NVL: variants seen among roughly 807,000 people sequenced by gnomAD.
NVL encodes nuclear valosin-containing protein-like.
NVL carries 84 observed loss-of-function variants against 110.2 expected under a neutral mutation model. The ratio of observed to expected loss-of-function variants is 0.76; its 90% CI spans 0.64 to 0.91. The LOEUF is 0.91. Among genes scored for constraint, NVL ranks in the 40% least tolerant of loss-of-function variants. The pLI is 0.00. For synonymous variants in NVL, 354 were observed against 361.1 expected (o/e 0.98, Z 0.22); for missense variants, 882 against 1,035.9 (o/e 0.85, Z 2.04).
At chr1:224,256,945 C>T in intron 18 of NVL, 1 of 456,620 alleles carries the variant, frequency 2.2e-6, no homozygotes, top group Non-Finnish European at 4.5e-6. Flanking sequence ...CCACAGCTAT[C>T]ACCCGGCTCA....
chr1:224,242,908 C>T (rs1238281012), intron 19 of NVL, among the ~76,000 whole-genome samples: 4 of 145,554 alleles, frequency 2.7e-5, no homozygotes, highest in African/African-American at 7.7e-5. Flanking sequence ...TCACTGCAAC[C>T]TCTGCCTCTG....
intron 15 of NVL, among the ~76,000 whole-genome samples, chr1:224,284,828 G>A (rs941816973): frequency 2.6e-5 from 4 of 152,002 alleles, no homozygotes; most frequent in African/African-American, 9.7e-5. Context: ...TGATAAAAAA[G>A]GTAAAAACTG....
At chr1:224,307,925 T>C in intron 6 of NVL, 66 bp downstream of exon 6, 1 of 1,429,664 alleles carries the variant, frequency 7.0e-7, no homozygotes, top group Non-Finnish European at 9.4e-7. Context: ...TGATTGATAT[T>C]ATATTCAACT....
chr1:224,290,419 G>A (rs987871062), intron 12 of NVL, among the ~76,000 whole-genome samples: 4 of 152,202 alleles, frequency 2.6e-5, no homozygotes, highest in African/African-American at 9.6e-5. Flanking sequence ...CACTCTGGGA[G>A]GCTGAGGCAG....
intron 20 of NVL, 51 bp downstream of exon 20, chr1:224,236,455 T>A: frequency 7.3e-7 from 1 of 1,374,458 alleles, no homozygotes; most frequent in Non-Finnish European, 1.0e-6. Flanking sequence ...ATTTTATAGA[T>A]GAGGAAATTG....
intron 17 of NVL, among the ~76,000 whole-genome samples, chr1:224,271,573 T>C (rs899663981): frequency 3.3e-5 from 5 of 152,110 alleles, no homozygotes; most frequent in Non-Finnish European, 7.4e-5. Flanking sequence ...GAATGATGCA[T>C]ACTAAATGAC....
At chr1:224,311,938 T>C (rs1401965779) in intron 4 of NVL, 81 bp from the exon 5 acceptor site, 1 of 1,054,928 alleles carries the variant, frequency 9.5e-7, no homozygotes, top group Admixed American at 1.9e-5. Flanking sequence ...CAAGTAAATA[T>C]ATTCAGCCAA....
intron 16 of NVL, among the ~76,000 whole-genome samples, chr1:224,278,846 C>A (rs114066857): frequency 6.6e-6 from 1 of 152,058 alleles, no homozygotes; most frequent in Non-Finnish European, 1.5e-5. Flanking sequence ...GATCCTCCCA[C>A]CTCAGCCTCC....
At chr1:224,315,450 T>C (rs984886312) in intron 4 of NVL, among the ~76,000 whole-genome samples, 6 of 152,146 alleles carry the variant, frequency 3.9e-5, no homozygotes, top group Admixed American at 2.6e-4. Flanking sequence ...TACCTATTCA[T>C]GACAAAAATT....
chr1:224,252,920 A>AT (rs1306357125), intron 18 of NVL, among the ~76,000 whole-genome samples: 1 of 152,050 alleles, frequency 6.6e-6, no homozygotes, highest in Non-Finnish European at 1.5e-5. Context: ...ATTAGTTTGC[A>AT]TTTTCTAAAG....
At chr1:224,280,013 CTA>C (rs1345253434) in intron 16 of NVL, among the ~76,000 whole-genome samples, 1 of 151,810 alleles carries the variant, frequency 6.6e-6, no homozygotes, top group Non-Finnish European at 1.5e-5. Context: ...TAAAATAATA[CTA>C]TATATTGTTT....
At chr1:224,233,165 A>G (rs755254935) in intron 21 of NVL, 36 bp downstream of exon 21, 8 of 1,560,354 alleles carry the variant, frequency 5.1e-6, no homozygotes, top group Admixed American at 1.8e-5. Context: ...TTTAAGTATC[A>G]TAATTAGAAT....
chr1:224,263,776 T>C (rs778068417), intron 18 of NVL, among the ~76,000 whole-genome samples: 4 of 152,204 alleles, frequency 2.6e-5, no homozygotes, highest in Admixed American at 6.5e-5. Flanking sequence ...AGAAAGTTTA[T>C]AGACTGCTTC....
Position 224,308,166 on chromosome 1 carries a change from G to C in NVL, c.440C>G (p.Thr147Ser), listed in dbSNP as rs182870329. Residue 147 changes from threonine to serine, a missense_variant, in exon 6 of 23, where the codon ACC (threonine) becomes AGC (serine). This residue lies in a region of NVL where 274 missense variants were observed against 268.4 expected (regional missense o/e 1.02). Coordinates refer to ENST00000281701, the MANE Select transcript of NVL (RefSeq NM_002533.4). ...NTPEMEQRET[T>S]SSTPRISSKT... ...GGAACTTATCCGTGGTGTTGAAGAGGTGGTTTCTCTTTGCTCCATCTCAGG... is the reference window on the plus strand; with the variant it reads ...GGAACTTATCCGTGGTGTTGAAGAGCTGGTTTCTCTTTGCTCCATCTCAGG... 1.2e-6 allele frequency: 2 copies of C among 1,614,072 alleles called. No individual in the cohort carries two copies. Among genetic ancestry groups the C allele is most frequent in the Admixed American group, 3.3e-5 (2 of 59,998 alleles).
At chr1:224,310,634 T>C (rs1019233534) in intron 5 of NVL, among the ~76,000 whole-genome samples, 1 of 152,256 alleles carries the variant, frequency 6.6e-6, no homozygotes, top group Non-Finnish European at 1.5e-5. Context: ...CAATTATTTA[T>C]TGATGAAGAC....
chr1:224,308,148 A>G lies in NVL; in HGVS notation c.458T>C (p.Ile153Thr). The G allele has an allele frequency of 1.2e-6, 2 of 1,614,104 alleles. No homozygotes were observed. The highest frequency in any genetic ancestry group is 1.7e-6 in the Non-Finnish European group (2 of 1,180,006). Residue 153 changes from isoleucine (I) to threonine (T), a missense_variant, in exon 6 of 23, where the codon ATA becomes ACA. Physicochemically the swap from Ile to Thr is moderately conservative, Grantham distance 89 (BLOSUM62 -1). Transcript: ENST00000281701. Reference sequence around the variant, plus strand: ...GGGAATGGAGCCTGTTTTGGAACTTATCCGTGGTGTTGAAGAGGTGGTTTC... The same window carrying G: ...GGGAATGGAGCCTGTTTTGGAACTTGTCCGTGGTGTTGAAGAGGTGGTTTC... ...QRETTSSTPR[I>T]SSKTGSIPLK...
intron 20 of NVL, among the ~76,000 whole-genome samples, chr1:224,235,640 A>C (rs938809089): frequency 3.3e-5 from 5 of 151,976 alleles, no homozygotes; most frequent in Admixed American, 2.6e-4. Context: ...ATAATAGAGA[A>C]AAAAAAAGGG....
At chr1:224,303,929 C>T (rs1187323209) in intron 8 of NVL, 72 bp from the exon 9 acceptor site, 19 of 1,491,860 alleles carry the variant, frequency 1.3e-5, no homozygotes, top group South Asian at 2.7e-5. Context: ...TCCTATTTTT[C>T]GGAGCAGTGA....
Position 224,330,105 on chromosome 1 carries a change from A to C in NVL, c.23T>G (p.Phe8Cys). 6.2e-7 allele frequency: 1 copy of C among 1,614,058 alleles called. No individual in the cohort carries two copies. The highest frequency in any genetic ancestry group is 1.6e-4 in the Middle Eastern group (1 of 6,062). Residue 8 changes from phenylalanine to cysteine, a missense_variant, in exon 1 of 23, where the codon TTC becomes TGC. Phe to Cys is a radical substitution (Grantham distance 205, BLOSUM62 -2). Around this residue, in one of 4 missense-constraint regions of NVL, gnomAD observed 274 missense variants for 268.4 expected, o/e 1.02. Coordinates refer to ENST00000281701, the MANE Select transcript of NVL (RefSeq NM_002533.4). ...TCGCTGCTTGAGTTTATTATCCACG[A>C]ACCCTGCAGGTCTGGGCTTCATCGC... is the stretch of plus-strand genomic sequence containing the variant. MKPRPAG[F>C]VDNKLKQRVI...
Sources: allele counts gnomAD v4.1 joint callset (sites outside exome capture counted in the v4.1 genomes callset), GRCh38; gene constraint gnomAD v4.1.1; regional missense constraint gnomAD v4.1.1; transcripts MANE v1.5; gene names NCBI Gene and HGNC (gene_info 2026-07-23, HGNC 2026-07-21).